The following QTGAL variants were observed in gnomAD, a reference collection of about 807,000 sequenced individuals.
QTGAL encodes the protein queuosine-tRNA galactosyltransferase.
chr17:83,013,486 C>A, the QTGAL span, among the ~76,000 whole-genome samples: 3 of 146,386 alleles, frequency 2.0e-5, no homozygotes, highest in African/African-American at 7.6e-5. Flanking sequence ...CCTTCAGACG[C>A]CCCCAGCACA....
chr17:82,947,324 C>CGAG, the QTGAL span: 1 of 285,602 alleles, frequency 3.5e-6, no homozygotes. Flanking sequence ...ACCCACCTTC[C>CGAG]CTCCACACAC....
chr17:82,952,857 A>G, the QTGAL span, among the ~76,000 whole-genome samples: 1 of 152,254 alleles, frequency 6.6e-6, no homozygotes, highest in Non-Finnish European at 1.5e-5. Flanking sequence ...CTTTCAGAAC[A>G]CAGTGCAATC....
chr17:82,983,670 C>T, the QTGAL span, among the ~76,000 whole-genome samples: 2 of 152,342 alleles, frequency 1.3e-5, no homozygotes, highest in Admixed American at 6.5e-5. Flanking sequence ...AACAGTCGCA[C>T]AGCAGATGCT....
the QTGAL span, among the ~76,000 whole-genome samples, chr17:82,962,505 G>A: frequency 1.4e-5 from 2 of 142,186 alleles, no homozygotes; most frequent in African/African-American, 5.0e-5. Context: ...TCACACGGGT[G>A]ATTTAGGGTG....
chr17:82,946,841 G>GAAAC, the QTGAL span: 1 of 1,463,620 alleles, frequency 6.8e-7, no homozygotes, highest in African/African-American at 1.4e-5. Context: ...ACATAATAAA[G>GAAAC]AAACAAACCC....
chr17:83,048,019 TCTTTCTC>T, the QTGAL span, among the ~76,000 whole-genome samples: 2 of 142,838 alleles, frequency 1.4e-5, no homozygotes, highest in African/African-American at 5.2e-5. Flanking sequence ...TTCCTTCCTC[TCTTTCTC>T]TCTCTCTTTC....
At chr17:83,005,011 A>G in the QTGAL span, 1 of 904,364 alleles carries the variant, frequency 1.1e-6, no homozygotes, top group Middle Eastern at 3.5e-4. This position sits in a 1 kb window ranked among gnomAD's most constrained non-coding sequence, Gnocchi z 5.6. Context: ...CAGAAGGACC[A>G]CGGCCCACGA....
At chr17:82,987,926 T>G in the QTGAL span, among the ~76,000 whole-genome samples, 1 of 152,344 alleles carries the variant, frequency 6.6e-6, no homozygotes, top group South Asian at 2.1e-4. Flanking sequence ...TTCCATTTGT[T>G]TGTGTCCTCT....
chr17:83,019,508 G>A, the QTGAL span, among the ~76,000 whole-genome samples: 3 of 152,200 alleles, frequency 2.0e-5, no homozygotes, highest in East Asian at 5.8e-4. Context: ...GGGACTGGAC[G>A]GAGACGGGTG....
chr17:82,957,678 G>A, the QTGAL span, among the ~76,000 whole-genome samples: 1,902 of 152,294 alleles, frequency 0.012, 41 homozygotes, highest in African/African-American at 0.044. Flanking sequence ...GTAGCCACAT[G>A]CCTAGGTGGG....
At chr17:82,987,989 C>T in the QTGAL span, among the ~76,000 whole-genome samples, 1 of 152,138 alleles carries the variant, frequency 6.6e-6, no homozygotes, top group South Asian at 2.1e-4. Flanking sequence ...TCCTTCACCT[C>T]CCTTGTTAGC....
the QTGAL span, among the ~76,000 whole-genome samples, chr17:83,041,773 A>G: frequency 2.0e-5 from 3 of 152,248 alleles, no homozygotes; most frequent in Non-Finnish European, 4.4e-5. Context: ...AAGTTGAAAC[A>G]TGGTAAGTTG....
chr17:83,018,471 T>TA, the QTGAL span, among the ~76,000 whole-genome samples: 3 of 152,162 alleles, frequency 2.0e-5, no homozygotes, highest in Non-Finnish European at 4.4e-5. Context: ...TTTTTTTTTA[T>TA]ATTTATCACA....
At chr17:82,942,290 A>G in the QTGAL span, 1 of 1,014,546 alleles carries the variant, frequency 9.9e-7, no homozygotes, top group South Asian at 1.5e-5. Flanking sequence ...CCTGTCAGCC[A>G]CATAGCTCAG....
At chr17:83,007,963 G>A in the QTGAL span, among the ~76,000 whole-genome samples, 4 of 152,246 alleles carry the variant, frequency 2.6e-5, no homozygotes, top group South Asian at 4.1e-4. Context: ...GTAGGAAGGC[G>A]TGGATTCCAG....
chr17:82,942,364 A>C, the QTGAL span: 92 of 1,586,004 alleles, frequency 5.8e-5, no homozygotes, highest in Non-Finnish European at 7.7e-5. Context: ...GTCCCCACAC[A>C]GGGCCCAGAG....
At chr17:82,957,168 C>T in the QTGAL span, 103 of 1,614,092 alleles carry the variant, frequency 6.4e-5, no homozygotes, top group African/African-American at 7.6e-4. Context: ...TGACACCATG[C>T]GGCCCTGCAC....
At chr17:83,002,425 G>A in the QTGAL span, among the ~76,000 whole-genome samples, 7 of 152,226 alleles carry the variant, frequency 4.6e-5, no homozygotes, top group Admixed American at 2.0e-4. Flanking sequence ...CAGTCTGCCT[G>A]AGTTCCCGTT....
the QTGAL span, among the ~76,000 whole-genome samples, chr17:83,017,602 A>C: frequency 3.3e-5 from 5 of 152,352 alleles, no homozygotes; most frequent in South Asian, 1.0e-3. Context: ...AGCCTGGGCG[A>C]CAGAGAGAGA....
Sources: allele counts gnomAD v4.1 joint callset (sites outside exome capture counted in the v4.1 genomes callset), GRCh38; gene constraint gnomAD v4.1.1; non-coding constraint Gnocchi (gnomAD v3.1); transcripts MANE v1.5; gene names NCBI Gene and HGNC (gene_info 2026-07-23, HGNC 2026-07-21).